MLX: variants seen among roughly 807,000 people sequenced by gnomAD.
MLX encodes MAX dimerization protein MLX.
MLX carries 15 observed loss-of-function variants against 33.0 expected under a neutral mutation model. The ratio of observed to expected loss-of-function variants is 0.45; its 90% confidence interval spans 0.30 to 0.70. The LOEUF is 0.70. Among genes scored for constraint, MLX ranks in the 30% least tolerant of loss-of-function variants. The pLI, the probability that MLX is intolerant of heterozygous loss-of-function variation, is 0.07. For synonymous variants in MLX, 115 were observed against 115.6 expected, an observed-to-expected ratio of 0.99 and a Z score of 0.03; for missense variants, 285 against 306.3, an observed-to-expected ratio of 0.93 and a Z score of 0.52.
In MLX at chr17:42,572,339, A is replaced by G. The variant is rs1173137501; in HGVS notation, c.*736A>G. 4.4e-6 allele frequency: 2 copies of G among 454,342 alleles called. No homozygotes were observed. The highest frequency in any genetic ancestry group is 8.8e-6 in the Non-Finnish European group (2 of 226,688). 28.1% of individuals were successfully genotyped at this position (454,342 alleles called of 1,614,324 possible). ...TATTGGAAATTTTTTATTTTTCTAA[A>G]TACCAATGCAGTTTTGCTACGGTTA... On this transcript the variant is annotated 3_prime_UTR_variant, in exon 8 of 8. Coordinates refer to ENST00000435881, the MANE Select transcript of MLX (RefSeq NM_198204.2).
rs2093036485 is a variant in MLX at position 42,572,188 on chromosome 17, C to T, written c.*585C>T. 2 of 351,402 alleles carry T rather than the reference C, an allele frequency of 5.7e-6. No homozygotes were observed. The highest frequency in any genetic ancestry group is 2.2e-5 in the African/African-American group (1 of 46,444). The allele number at this position is 351,402 out of a possible 1,614,324, so 21.8% of individuals were successfully genotyped here. On this transcript the variant is annotated 3_prime_UTR_variant, in exon 8 of 8. Transcript: ENST00000435881. ...TTCTGGCCATCTCAGGGAGGGGCCA[C>T]CAGGTTCCTCCCCTCACCCCATATT...
Position 42,569,619 on chromosome 17 carries a change from C to T in MLX, c.476+13C>T, listed in dbSNP as rs745627049. 1.2e-6 allele frequency: 2 copies of T among 1,604,360 alleles called. No individual in the cohort carries two copies. Among genetic ancestry groups the T allele is most frequent in the Non-Finnish European group, 1.7e-6 (2 of 1,171,252 alleles). ...AGATCATGAAAGTGTAAGAGGGGTG[C>T]TGAATGGGGGGAACCAGAACTTCTG... On this transcript the variant is annotated intron_variant, in intron 6 of 7. Coordinates refer to ENST00000435881, the MANE Select transcript of MLX (RefSeq NM_198204.2).
chr17:42,571,533 G>A lies in MLX; in HGVS notation c.679-14G>A, dbSNP rs767558772. 6.8e-6 allele frequency: 11 copies of A among 1,613,842 alleles called. No homozygotes were observed. The highest frequency in any genetic ancestry group is 9.3e-6 in the Non-Finnish European group (11 of 1,179,860). On this transcript the variant is annotated splice_polypyrimidine_tract_variant and intron_variant, in intron 7 of 7. Coordinates refer to ENST00000435881, the MANE Select transcript of MLX (RefSeq NM_198204.2). ...TTGGGCATTGTCTATTTCTTCCTCT[G>A]CTGCCCTCGCCAGACCCTGCGGGAG... is the stretch of plus-strand genomic sequence containing the variant.
Position 42,568,491 on chromosome 17 carries a change from G to A in MLX, c.101G>A (p.Arg34His), listed in dbSNP as rs142766491. The stretch of plus-strand genomic sequence containing the variant: ...CCAGGGCTTTTTGTAGAAAGCACCC[G>A]CAAGGGGAGTGTAGTGTCCAGAGCT... ...LDPGLFVEST[R>H]KGSVVSRANS... is the part of the protein sequence containing the mutation. Residue 34 changes from arginine (R) to histidine (H), a missense_variant, in exon 3 of 8, where the codon CGC becomes CAC. Coordinates refer to ENST00000435881, the MANE Select transcript of MLX (RefSeq NM_198204.2). 86 of 1,613,722 alleles carry A rather than the reference G, an allele frequency of 5.3e-5. No homozygotes were observed. The highest frequency in any genetic ancestry group is 4.0e-4 in the Admixed American group (24 of 59,994).
Position 42,572,844 on chromosome 17 carries a change from G to T in MLX, c.*1241G>T. 1 of 1,167,502 alleles carries T rather than the reference G, an allele frequency of 8.6e-7. No individual in the cohort carries two copies. The highest frequency in any genetic ancestry group is 1.3e-6 in the Non-Finnish European group (1 of 788,032). The allele number at this position is 1,167,502 out of a possible 1,614,324, so 72.3% of individuals were successfully genotyped here. A position where few individuals can be genotyped will look rare whatever the true frequency, so the allele number is the denominator to read the frequency against. ...TCTGGTTTATGCTTGTCTCCTGACT[G>T]CTCTGCTTAAAGGTGAAAGTAGCAG... On this transcript the variant is annotated 3_prime_UTR_variant, in exon 8 of 8. Coordinates refer to ENST00000435881, the MANE Select transcript of MLX (RefSeq NM_198204.2).
Position 42,569,558 on chromosome 17 carries a change from A to T in MLX, c.428A>T (p.Glu143Val). The change falls in exon 6 of 8, where the codon GAG becomes GTG. Residue 143 changes from glutamate to valine, a missense_variant. Glu to Val is a moderately radical substitution (Grantham distance 121, BLOSUM62 -2). Transcript: ENST00000435881. ...LHKEKKKQEE[E>V]VSTLRKDVTA... ...AAGGAGAAGAAAAAGCAGGAGGAGG[A>T]GGTGTCCACGTTACGCAAGGATGTC... 7.4e-6 allele frequency: 12 copies of T among 1,614,064 alleles called. No individual in the cohort carries two copies. Among genetic ancestry groups the T allele is most frequent in the Non-Finnish European group, 1.0e-5 (12 of 1,180,012 alleles).
At chr17:42,570,437 C>T (rs1044241778) in intron 7 of MLX, among the ~76,000 whole-genome samples, 3 of 152,174 alleles carry the variant, frequency 2.0e-5, no homozygotes, top group Non-Finnish European at 4.4e-5. Context: ...CCCATGTTAT[C>T]GCTGCCCCTG....
Position 42,569,221 on chromosome 17 carries a change from T to G in MLX, c.294T>G (p.Leu98=), listed in dbSNP as rs775571836. Residue 98 remains leucine (L), a synonymous_variant, in exon 5 of 8, where the codon CTT becomes CTG. Coordinates refer to ENST00000435881, the MANE Select transcript of MLX (RefSeq NM_198204.2). ...TTCCACAGAGAGGCTATGATGACCT[T>G]CAGACCATCGTCCCCACTTGCCAGC... The part of the protein sequence containing the change: ...RDAIKRGYDD[L]QTIVPTCQQQ... 3.7e-6 allele frequency: 6 copies of G among 1,614,126 alleles called. No homozygotes were observed. Among genetic ancestry groups the G allele is most frequent in the Non-Finnish European group, 5.1e-6 (6 of 1,180,006 alleles).
intron 1 of MLX, 92 bp from the exon 2 acceptor site, chr17:42,567,527 A>T: frequency 6.3e-7 from 1 of 1,591,042 alleles, no homozygotes; most frequent in Non-Finnish European, 8.6e-7. Context: ...CCTTCCCGGA[A>T]TGGGGGGCGC....
intron 5 of MLX, 64 bp from the exon 6 acceptor site, chr17:42,569,443 C>A: frequency 6.6e-7 from 1 of 1,524,080 alleles, no homozygotes; most frequent in Non-Finnish European, 9.1e-7. Flanking sequence ...GGAACAAAGT[C>A]AGCCTTATCT....
chr17:42,569,793 A>T lies in MLX; in HGVS notation c.476+187A>T, dbSNP rs1476874136. 4.2e-6 allele frequency: 3 copies of T among 718,372 alleles called. No homozygotes were observed. The Admixed American group carries it at 7.1e-5, about 17-fold the overall frequency. 44.5% of individuals were successfully genotyped at this position (718,372 alleles called of 1,614,324 possible). ...CAGACACTCAGGAAATGCCTGTTGG[A>T]TTAATGTAAGGAAGGTTGGAGAGAG... On this transcript the variant is annotated intron_variant, in intron 6 of 7. Transcript: ENST00000435881.
intron 7 of MLX, 147 bp from the exon 8 acceptor site, chr17:42,571,400 T>C: frequency 2.5e-6 from 2 of 804,966 alleles, no homozygotes; most frequent in Non-Finnish European, 4.2e-6. Context: ...GTGCTGGGAT[T>C]ATAGGCGTGA....
chr17:42,570,251 C>T, intron 7 of MLX, 68 bp downstream of exon 7: 2 of 1,511,880 alleles, frequency 1.3e-6, no homozygotes, highest in Non-Finnish European at 1.8e-6. Context: ...CCCAAGCCAT[C>T]AGCTGTTGAG....
chr17:42,569,532 C>T lies in MLX; in HGVS notation c.402C>T (p.His134=), dbSNP rs774316343. ...QKTIDYIQFL[H]KEKKKQEEEV... is the part of the protein sequence containing the mutation. ...CCATTGACTACATTCAGTTTTTGCACAAGGAGAAGAAAAAGCAGGAGGAGG... is the reference window on the plus strand; with the variant it reads ...CCATTGACTACATTCAGTTTTTGCATAAGGAGAAGAAAAAGCAGGAGGAGG... The change falls in exon 6 of 8, where the codon CAC becomes CAT. Residue 134 remains histidine (H), a synonymous_variant. Coordinates refer to ENST00000435881, the MANE Select transcript of MLX (RefSeq NM_198204.2). 3 of 1,614,010 alleles carry T rather than the reference C, an allele frequency of 1.9e-6. No homozygotes were observed. The highest frequency in any genetic ancestry group is 2.5e-6 in the Non-Finnish European group (3 of 1,179,988).
chr17:42,567,382 G>C, intron 1 of MLX: 1 of 1,412,768 alleles, frequency 7.1e-7, no homozygotes, highest in Non-Finnish European at 9.3e-7. Flanking sequence ...GGGCACTGGG[G>C]TGGAGTAGGG....
At chr17:42,571,510 G>C in intron 7 of MLX, 37 bp from the exon 8 acceptor site, 1 of 1,607,572 alleles carries the variant, frequency 6.2e-7, no homozygotes, top group East Asian at 2.2e-5. Flanking sequence ...GCGTTGACTT[G>C]GGCATTGTCT....
At chr17:42,568,442 C>T in intron 2 of MLX, 28 bp from the exon 3 acceptor site, 2 of 1,565,076 alleles carry the variant, frequency 1.3e-6, no homozygotes, top group East Asian at 2.2e-5. Context: ...CACCCCACCC[C>T]TTAGTGATTG....
chr17:42,568,662 G>A (rs893931316), intron 3 of MLX, 103 bp downstream of exon 3: 15 of 1,218,206 alleles, frequency 1.2e-5, no homozygotes, highest in Non-Finnish European at 1.8e-5. Context: ...AGGGGTGCTG[G>A]AGCCAAAGTA....
chr17:42,572,932 A>G lies in MLX; in HGVS notation c.*1329A>G, dbSNP rs920247453. The G allele has an allele frequency of 6.2e-7, 1 of 1,609,438 alleles. No homozygotes were observed. The highest frequency in any genetic ancestry group is 8.5e-7 in the Non-Finnish European group (1 of 1,176,220). On this transcript the variant is annotated 3_prime_UTR_variant, in exon 8 of 8. Coordinates refer to ENST00000435881, the MANE Select transcript of MLX (RefSeq NM_198204.2). The stretch of plus-strand genomic sequence containing the variant: ...GTGCAAGACATCTCACTCTTCTGAC[A>G]TCCTGCAGTCCCCACCAGTCCTGAC...
Sources: allele counts gnomAD v4.1 joint callset (sites outside exome capture counted in the v4.1 genomes callset), GRCh38; gene constraint gnomAD v4.1.1; transcripts MANE v1.5; gene names NCBI Gene and HGNC (gene_info 2026-07-23, HGNC 2026-07-21).